Variants in BRF1 observed in about 807,000 individuals in gnomAD.
BRF1 encodes transcription factor IIIB 90 kDa subunit.
Under a neutral mutation model 81.7 loss-of-function variants are expected in BRF1, and 59 were observed. That is an observed-to-expected ratio of 0.72 (90% CI 0.59 to 0.90). BRF1 has a LOEUF of 0.90. Among genes scored for constraint, BRF1 ranks in the 40% least tolerant of loss-of-function variants. The pLI is 0.00. For synonymous variants in BRF1, 491 were observed against 395.6 expected, an observed-to-expected ratio of 1.24 and a Z score of -2.86; for missense variants, 1,050 against 936.3, an observed-to-expected ratio of 1.12 and a Z score of -1.58.
intron 7 of BRF1, chr14:105,227,082 C>G: frequency 3.4e-6 from 1 of 298,144 alleles, no homozygotes; most frequent in South Asian, 3.6e-5. Context: ...CGCCACTGGC[C>G]TCCAGCCTGG....
chr14:105,254,292 T>C (rs587692284), intron 4 of BRF1, among the ~76,000 whole-genome samples: 1 of 152,370 alleles, frequency 6.6e-6, no homozygotes, highest in East Asian at 1.9e-4. Flanking sequence ...AGTCTTGCTC[T>C]GTCGCCCAGG....
intron 3 of BRF1, among the ~76,000 whole-genome samples, chr14:105,259,489 G>A (rs777586172): frequency 4.6e-5 from 7 of 152,174 alleles, no homozygotes; most frequent in Non-Finnish European, 1.0e-4. Flanking sequence ...GTAGAAAAAT[G>A]TTCATAGCAG....
intron 4 of BRF1, chr14:105,256,227 T>C (rs1412817932): frequency 2.6e-6 from 4 of 1,538,972 alleles, no homozygotes; most frequent in Non-Finnish European, 3.5e-6. Context: ...ATCTCCTTTG[T>C]GTAGGACAAA....
In BRF1 at chr14:105,300,823, C is replaced by T. The variant is rs896614532; in HGVS notation, c.-194G>A. ...CCGCGCCGCCCGCAACGGCCGCGCC[C>T]GCGGGATGGGACAGGCACCGGGACC... On this transcript the variant is annotated 5_prime_UTR_variant, in exon 1 of 18. Coordinates refer to ENST00000547530, the MANE Select transcript of BRF1 (RefSeq NM_001519.4). The T allele has an allele frequency of 2.4e-5, 5 of 208,020 alleles. No homozygotes were observed. The highest frequency in any genetic ancestry group is 1.2e-4 in the African/African-American group (5 of 42,534). The allele number at this position is 208,020 out of a possible 1,614,324, so 12.9% of individuals were successfully genotyped here.
chr14:105,250,746 C>A, intron 5 of BRF1: 2 of 1,421,992 alleles, frequency 1.4e-6, no homozygotes, highest in Non-Finnish European at 1.9e-6. Flanking sequence ...TTCTTGACAC[C>A]ATGAAAGGCT....
intron 1 of BRF1, among the ~76,000 whole-genome samples, chr14:105,308,873 C>T (rs909842879): frequency 5.9e-5 from 9 of 151,962 alleles, no homozygotes; most frequent in African/African-American, 2.2e-4. Flanking sequence ...CTTTGAGAGG[C>T]TGAGGCAGGA....
chr14:105,313,239 C>T (rs994780626), intron 1 of BRF1, among the ~76,000 whole-genome samples: 5 of 152,236 alleles, frequency 3.3e-5, no homozygotes, highest in African/African-American at 1.2e-4. Context: ...CAGCGCCGTA[C>T]GCTCAGTTCT....
intron 5 of BRF1, chr14:105,250,972 T>A: frequency 5.3e-6 from 2 of 377,002 alleles, no homozygotes; most frequent in Non-Finnish European, 1.0e-5. Context: ...TGGATCTTCC[T>A]GCTACCCTCT....
intron 5 of BRF1, chr14:105,250,542 A>C (rs1380810484): frequency 6.2e-7 from 1 of 1,614,108 alleles, no homozygotes; most frequent in East Asian, 2.2e-5. Context: ...GAACTCAGCT[A>C]CTTTGGGCAG....
At position 105,219,206 on chromosome 14, in the gene BRF1, G is replaced by A. The variant is rs752899699; in HGVS notation, c.1404C>T (p.Arg468=). 4.3e-6 allele frequency: 7 copies of A among 1,612,654 alleles called. No homozygotes were observed. The highest frequency in any genetic ancestry group is 1.7e-5 in the Admixed American group (1 of 60,006). Residue 468 remains arginine (R), a synonymous_variant, in exon 13 of 18, where the codon CGC becomes CGT. Transcript: ENST00000547530. ...CCCTCATCCACAGCTCGGCCTTCAC[G>A]CGGGCTTCCGACTCATTCAGGATGT... ...DRYILNESEA[R]VKAELWMREN...
intron 15 of BRF1, 31 bp downstream of exon 15, chr14:105,217,513 C>A (rs759546144): frequency 4.2e-5 from 67 of 1,600,376 alleles, no homozygotes; most frequent in Non-Finnish European, 5.4e-5. Context: ...GGGCTGCTGC[C>A]CTAACCCAGC....
At chr14:105,248,586 CGGGA>C (rs1370874822) in intron 5 of BRF1, 5 of 263,932 alleles carry the variant, frequency 1.9e-5, no homozygotes, top group Admixed American at 2.9e-4. Context: ...GGCGGGCGGG[CGGGA>C]CGGCGCCCCC....
chr14:105,226,374 G>T, intron 8 of BRF1, 84 bp from the exon 9 acceptor site: 1 of 1,572,544 alleles, frequency 6.4e-7, no homozygotes, highest in Non-Finnish European at 8.7e-7. Context: ...GGGCCCCAGG[G>T]ACCACAGGCT....
At chr14:105,260,201 C>A (rs376080886) in intron 3 of BRF1, among the ~76,000 whole-genome samples, 1 of 152,258 alleles carries the variant, frequency 6.6e-6, no homozygotes, top group Non-Finnish European at 1.5e-5. Flanking sequence ...ATGCTCACCC[C>A]CATTGAGCTG....
chr14:105,226,700 G>C lies in BRF1; in HGVS notation c.849C>G (p.Ile283Met), dbSNP rs587663572. The change falls in exon 8 of 18, where the codon ATC (isoleucine) becomes ATG (methionine). Residue 283 changes from isoleucine (I) to methionine (M), a missense_variant. Ile to Met is a conservative substitution (Grantham distance 10). This residue lies in a region of BRF1 where 1,043 missense variants were observed against 915.4 expected (regional missense o/e 1.14). Transcript: ENST00000547530. ...GGGGGTCGCACTCCTCCTCCAGGTC[G>C]ATCTTCATGAACTCATCAATGGTCA... ...SQLTIDEFMK[I>M]DLEEECDPPS... 4.3e-6 allele frequency: 7 copies of C among 1,613,546 alleles called. No individual in the cohort carries two copies. The highest frequency in any genetic ancestry group is 5.9e-6 in the Non-Finnish European group (7 of 1,180,034).
chr14:105,209,713 A>G lies in BRF1; in HGVS notation c.*838T>C. ...TGCCCTCTGGCTCTGTCCACGGGGAACTCCCAGCGCCAGGACACTATGCAG... is the reference window on the plus strand; with the variant it reads ...TGCCCTCTGGCTCTGTCCACGGGGAGCTCCCAGCGCCAGGACACTATGCAG... On this transcript the variant is annotated 3_prime_UTR_variant, in exon 18 of 18. Coordinates refer to ENST00000547530, the MANE Select transcript of BRF1 (RefSeq NM_001519.4). 1.6e-6 allele frequency: 1 copy of G among 616,374 alleles called. No individual in the cohort carries two copies. The highest frequency in any genetic ancestry group is 2.9e-6 in the Non-Finnish European group (1 of 341,716). The allele number at this position is 616,374 out of a possible 1,614,324, so 38.2% of individuals were successfully genotyped here.
chr14:105,222,111 A>C, intron 10 of BRF1, 197 bp from the exon 11 acceptor site: 1 of 584,928 alleles, frequency 1.7e-6, no homozygotes, highest in Non-Finnish European at 2.8e-6. Flanking sequence ...AGCAGATCAC[A>C]GACCTAGGGG....
At chr14:105,229,503 C>T (rs990327165) in intron 6 of BRF1, among the ~76,000 whole-genome samples, 2 of 152,200 alleles carry the variant, frequency 1.3e-5, no homozygotes, top group Non-Finnish European at 2.9e-5. Context: ...CGACCTGGGG[C>T]TCCAATTCCG....
At chr14:105,258,518 C>T (rs587712919) in intron 3 of BRF1, among the ~76,000 whole-genome samples, 1 of 143,520 alleles carries the variant, frequency 7.0e-6, no homozygotes, top group Admixed American at 7.1e-5. Flanking sequence ...AACTCTAAGG[C>T]CAGGCGCAGT....
Sources: gnomAD v4.1 joint callset for allele counts (sites outside exome capture counted in the v4.1 genomes callset) on GRCh38, gnomAD v4.1.1 for gene constraint, gnomAD v4.1.1 regional missense constraint, MANE v1.5 for transcripts, NCBI Gene and HGNC (gene_info 2026-07-23, HGNC 2026-07-21) for gene names.